ERAP1: variants seen among roughly 807,000 people sequenced by gnomAD.
ERAP1 encodes the protein endoplasmic reticulum aminopeptidase 1.
Under a neutral mutation model 103.7 loss-of-function variants are expected in ERAP1, and 86 were observed. The ratio of observed to expected loss-of-function variants is 0.83; its 90% CI spans 0.70 to 0.99. The LOEUF is 0.99. Ranked by LOEUF, ERAP1 falls within the 50% of genes least tolerant of loss-of-function variation. The pLI, the probability that ERAP1 is intolerant of heterozygous loss-of-function variation, is 0.00. For missense variants in ERAP1, 1,009 were observed against 1,128.4 expected (o/e 0.89, Z 1.52); for synonymous variants, 398 against 402.4 (o/e 0.99, Z 0.13).
the ERAP1 span, among the ~76,000 whole-genome samples, chr5:96,898,650 G>A: frequency 6.6e-6 from 1 of 151,664 alleles, no homozygotes; most frequent in African/African-American, 2.4e-5. Flanking sequence ...TGAGGCAGGA[G>A]AATCACTTGA....
chr5:96,886,923 G>A, the ERAP1 span: 439,277 of 830,700 alleles, frequency 0.53, 117,425 homozygotes, highest in Middle Eastern at 0.63. Flanking sequence ...AAAAAACTAA[G>A]TTAAAAATTA....
the ERAP1 span, among the ~76,000 whole-genome samples, chr5:96,850,803 T>C: frequency 7.2e-5 from 11 of 152,160 alleles, no homozygotes; most frequent in Non-Finnish European, 1.2e-4. Context: ...GACAAAGATA[T>C]CCAGAAAGCC....
chr5:96,852,016 T>C, the ERAP1 span, among the ~76,000 whole-genome samples: 1 of 152,170 alleles, frequency 6.6e-6, no homozygotes, highest in South Asian at 2.1e-4. Context: ...AGTTCTGTCA[T>C]GTGGAGAGAG....
the ERAP1 span, among the ~76,000 whole-genome samples, chr5:96,825,870 C>T: frequency 6.7e-6 from 1 of 150,026 alleles, no homozygotes; most frequent in Admixed American, 6.7e-5. Flanking sequence ...AAAAAAAAAA[C>T]TTGAGTTGGA....
chr5:96,926,540 A>C, the ERAP1 span, among the ~76,000 whole-genome samples: 10,711 of 152,266 alleles, frequency 0.07, 453 homozygotes, highest in Middle Eastern at 0.15. Context: ...TGGACATTTC[A>C]TATAAATGGA....
chr5:96,880,116 C>T, the ERAP1 span: 1 of 1,614,134 alleles, frequency 6.2e-7, no homozygotes, highest in African/African-American at 1.3e-5. Context: ...AGTTACCCTG[C>T]TCATGAACAA....
chr5:96,885,665 T>C, the ERAP1 span, among the ~76,000 whole-genome samples: 1 of 152,206 alleles, frequency 6.6e-6, no homozygotes, highest in African/African-American at 2.4e-5. Flanking sequence ...GTCAGCATCA[T>C]CACAAGCCTG....
At chr5:96,884,584 G>GTC in the ERAP1 span, among the ~76,000 whole-genome samples, 1 of 151,922 alleles carries the variant, frequency 6.6e-6, no homozygotes, top group Non-Finnish European at 1.5e-5. Flanking sequence ...TTGAGACAGA[G>GTC]TCTCTCTCTG....
the ERAP1 span, among the ~76,000 whole-genome samples, chr5:96,856,169 A>G: frequency 2.4e-3 from 365 of 150,618 alleles, 1 homozygote; most frequent in African/African-American, 8.7e-3. Context: ...AAATACAAAA[A>G]TTAGCTGGAC....
At chr5:96,870,231 G>C in the ERAP1 span, among the ~76,000 whole-genome samples, 2 of 152,184 alleles carry the variant, frequency 1.3e-5, no homozygotes, top group Non-Finnish European at 2.9e-5. Context: ...GTGTTCTCCT[G>C]TTGAACACAA....
chr5:96,891,594 C>T, the ERAP1 span, among the ~76,000 whole-genome samples: 110 of 150,002 alleles, frequency 7.3e-4, 3 homozygotes, highest in Admixed American at 2.0e-4. Flanking sequence ...CACACACACA[C>T]GTAATGCAAA....
chr5:96,850,922 A>G, the ERAP1 span, among the ~76,000 whole-genome samples: 2 of 152,190 alleles, frequency 1.3e-5, no homozygotes, highest in Non-Finnish European at 2.9e-5. Context: ...AACCTCCCTT[A>G]CACGTTAACA....
chr5:96,797,311 T>C lies in ERAP1; in HGVS notation c.664-2A>G, dbSNP rs774241238. 1 of 1,613,608 alleles carries C rather than the reference T, an allele frequency of 6.2e-7. No individual in the cohort carries two copies. ...TTCAGCAACAGTCACAGATTTCACC[T>C]AAAATCAGAATAATTCAAATTATCA... On this transcript the variant is annotated splice_acceptor_variant, in intron 3 of 18. Transcript: ENST00000443439. LOFTEE classifies it high-confidence loss of function.
the ERAP1 span, chr5:96,909,531 T>C: frequency 6.7e-7 from 1 of 1,481,758 alleles, no homozygotes; most frequent in Non-Finnish European, 9.4e-7. Context: ...AAGAACTGTG[T>C]TAAGGACTAA....
intron 18 of ERAP1, among the ~76,000 whole-genome samples, chr5:96,779,106 G>A (rs559405886): frequency 6.6e-6 from 1 of 152,166 alleles, no homozygotes; most frequent in South Asian, 2.1e-4. Flanking sequence ...CACTCTCCTT[G>A]CCTTATTCAT....
At chr5:96,788,466 A>G in intron 11 of ERAP1, 65 bp downstream of exon 11, 1 of 1,585,566 alleles carries the variant, frequency 6.3e-7, no homozygotes, top group South Asian at 1.1e-5. Flanking sequence ...TTCAAAAGCA[A>G]GGTTCCATCC....
the ERAP1 span, among the ~76,000 whole-genome samples, chr5:96,886,063 C>T: frequency 6.6e-6 from 1 of 152,234 alleles, no homozygotes; most frequent in Non-Finnish European, 1.5e-5. Context: ...TCTTTGGAGT[C>T]ACACGGTCAC....
chr5:96,837,714 A>C, the ERAP1 span, among the ~76,000 whole-genome samples: 2 of 152,230 alleles, frequency 1.3e-5, no homozygotes, highest in African/African-American at 4.8e-5. Flanking sequence ...GTGGAGGGTC[A>C]GTGTGACAGC....
At chr5:96,879,382 A>C in the ERAP1 span, among the ~76,000 whole-genome samples, 3 of 152,202 alleles carry the variant, frequency 2.0e-5, no homozygotes, top group Non-Finnish European at 4.4e-5. Flanking sequence ...GGAGTCCTAA[A>C]GGGTTTTTAT....
Sources: gnomAD v4.1 joint callset for allele counts (sites outside exome capture counted in the v4.1 genomes callset) on GRCh38, gnomAD v4.1.1 for gene constraint, MANE v1.5 for transcripts, NCBI Gene and HGNC (gene_info 2026-07-23, HGNC 2026-07-21) for gene names.